The following IL18RAP variants were observed in gnomAD, a reference collection of about 807,000 sequenced individuals.
The protein encoded by IL18RAP is interleukin-18 receptor accessory protein.
In IL18RAP, 37 loss-of-function variants were observed where a neutral mutation model predicts 58.1. The observed-to-expected ratio is 0.64, with a 90% CI of 0.49 to 0.84. The LOEUF (loss-of-function observed/expected upper bound fraction) is 0.84. Ranked by LOEUF, IL18RAP falls within the 40% of genes least tolerant of loss-of-function variation. The pLI is 0.00. For missense variants in IL18RAP, 667 were observed against 704.8 expected (o/e 0.95, Z 0.61); for synonymous variants, 268 against 257.5 (o/e 1.04, Z -0.39).
chr2:102,426,383 A>G (rs954677169), intron 3 of IL18RAP, among the ~76,000 whole-genome samples: 1 of 152,178 alleles, frequency 6.6e-6, no homozygotes, highest in African/African-American at 2.4e-5. Context: ...GGAGCATTCC[A>G]CAATATTTTT....
intron 6 of IL18RAP, among the ~76,000 whole-genome samples, chr2:102,443,792 T>C (rs1047569925): frequency 6.6e-6 from 1 of 152,170 alleles, no homozygotes; most frequent in Non-Finnish European, 1.5e-5. Context: ...TGAAGCAACT[T>C]AACCCCGAAA....
intron 3 of IL18RAP, among the ~76,000 whole-genome samples, chr2:102,429,139 A>G (rs1392048800): frequency 6.6e-6 from 1 of 151,936 alleles, no homozygotes; most frequent in Admixed American, 6.6e-5. Flanking sequence ...TGTATTTTTC[A>G]GATACTGGCC....
intron 4 of IL18RAP, 33 bp from the exon 5 acceptor site, chr2:102,441,279 A>G (rs1225936199): frequency 1.9e-6 from 3 of 1,576,130 alleles, no homozygotes; most frequent in East Asian, 2.2e-5. Flanking sequence ...AGACTTTCCA[A>G]TGCAAATAGT....
rs758309917 is a variant in IL18RAP at position 102,437,252 on chromosome 2, T to C, written c.620T>C (p.Val207Ala). 2.5e-6 allele frequency: 4 copies of C among 1,613,352 alleles called. No homozygotes were observed. In the South Asian group the frequency reaches 4.4e-5, roughly 18 times the overall value. The change falls in exon 4 of 10, where the codon GTA becomes GCA. Residue 207 changes from valine to alanine, a missense_variant. Val to Ala is a moderately conservative substitution (Grantham distance 64). Transcript: ENST00000687160. ...TCTGTGGAAAGGAGCAACCGAATCG[T>C]AGTGGATGAAGTTTATGACTATCAC... ...LLSVERSNRI[V>A]VDEVYDYHQG... is the part of the protein sequence containing the mutation.
chr2:102,445,279 C>T lies in IL18RAP; in HGVS notation c.1011C>T (p.Cys337=). 6.2e-7 allele frequency: 1 copy of T among 1,614,154 alleles called. No individual in the cohort carries two copies. The change falls in exon 7 of 10, where the codon TGC becomes TGT. Residue 337 remains cysteine (C), a synonymous_variant. Transcript: ENST00000687160. ...GTGATCTTCGCAGGAAGTTTGTTTGCTTTGTCCAGAACTCCATTGGAAACA... is the reference window on the plus strand; with the variant it reads ...GTGATCTTCGCAGGAAGTTTGTTTGTTTTGTCCAGAACTCCATTGGAAACA... ...TQRDLRRKFV[C]FVQNSIGNTT...
chr2:102,418,959 T>G (rs1681409129), upstream of IL18RAP: 1 of 152,136 alleles, frequency 6.6e-6, no homozygotes, highest in Non-Finnish European at 1.5e-5. Flanking sequence ...GCAGTACTTC[T>G]TTTTTTTCAC....
chr2:102,443,100 T>A, intron 5 of IL18RAP, 100 bp from the exon 6 acceptor site: 1 of 1,121,006 alleles, frequency 8.9e-7, no homozygotes. Context: ...CAAACCTGAT[T>A]GCATCAGGAG....
chr2:102,443,182 T>C lies in IL18RAP; in HGVS notation c.797-18T>C, dbSNP rs1446704398. On this transcript the variant is annotated intron_variant, in intron 5 of 9. Transcript: ENST00000687160. The stretch of plus-strand genomic sequence containing the variant: ...TCACCAGCTTCCTTCTTGTTTTCTC[T>C]GGCCTCTTCATTTTCAGGAAAGCCT... 15 of 1,604,926 alleles carry C rather than the reference T, an allele frequency of 9.3e-6. No individual in the cohort carries two copies. In the African/African-American group the frequency reaches 1.9e-4, roughly 20 times the overall value.
intron 3 of IL18RAP, among the ~76,000 whole-genome samples, chr2:102,427,174 T>C (rs964740699): frequency 6.6e-6 from 1 of 152,166 alleles, no homozygotes; most frequent in African/African-American, 2.4e-5. Context: ...TAAGGTTGAT[T>C]CCATATCTTG....
At chr2:102,438,352 C>T (rs1046930912) in intron 4 of IL18RAP, among the ~76,000 whole-genome samples, 5 of 152,200 alleles carry the variant, frequency 3.3e-5, no homozygotes, top group Admixed American at 2.6e-4. Context: ...TTTCTTATTA[C>T]AAGATACAAA....
At position 102,424,473 on chromosome 2, in the gene IL18RAP, TGGGCTTTTC is replaced by T. The variant is rs1573261799; in HGVS notation, c.579+60_579+68del. On this transcript the variant is annotated intron_variant, in intron 3 of 9. Transcript: ENST00000687160. Reference sequence around the variant, plus strand: ...CATTGTTTTTATGGTATCTTCTTCATGGGCTTTTCATGGAAAAGCGTGTTTGAGAATCTG... The same window carrying T: ...CATTGTTTTTATGGTATCTTCTTCATATGGAAAAGCGTGTTTGAGAATCTG... The T allele has an allele frequency of 3.1e-5, 46 of 1,466,834 alleles. 1 individual carries two copies. The East Asian group carries it at 1.0e-3, about 33-fold the overall frequency. The allele number at this position is 1,466,834 out of a possible 1,614,324, so 90.9% of individuals were successfully genotyped here. A position where few individuals can be genotyped will look rare whatever the true frequency, so the allele number is the denominator to read the frequency against.
At chr2:102,441,522 T>TGCACAGTTACTTC (rs1273864152) in intron 5 of IL18RAP, 145 bp downstream of exon 5, 2 of 631,132 alleles carry the variant, frequency 3.2e-6, no homozygotes, top group East Asian at 5.8e-5. Flanking sequence ...TTTGTGACTT[T>TGCACAGTTACTTC]GCACAGTTAC....
Position 102,427,112 on chromosome 2 carries a change from C to T in IL18RAP, c.579+2698C>T, listed in dbSNP as rs577172314. Among the ~76,000 whole-genome samples, 495 of 152,216 alleles carry T rather than the reference C, an allele frequency of 3.3e-3. 2 individuals carry two copies. Among genetic ancestry groups the T allele is most frequent in the Non-Finnish European group, 4.7e-3 (319 of 67,974 alleles). On this transcript the variant is annotated intron_variant, in intron 3 of 9. Coordinates refer to ENST00000687160, the MANE Select transcript of IL18RAP (RefSeq NM_001393487.1). ...CTTTTGTAAAGGCTGAATAGTATTT[C>T]GTTGCATACATGTACCACATTTTCT...
At chr2:102,422,207 T>C (rs1309082997), upstream of IL18RAP, among the ~76,000 whole-genome samples, 3 of 152,210 alleles carry the variant, frequency 2.0e-5, no homozygotes, top group Non-Finnish European at 4.4e-5. Context: ...TTTTCAGTCC[T>C]TCTCATGCCC....
At position 102,448,960 on chromosome 2, in the gene IL18RAP, CAAAAAAAAA is replaced by C. The variant is rs10566180; in HGVS notation, c.1210+1769_1210+1777del. Among the ~76,000 whole-genome samples, 4 of 67,222 alleles carry C rather than the reference CAAAAAAAAA, an allele frequency of 6.0e-5. No homozygotes were observed. The Admixed American group carries it at 7.7e-4, about 13-fold the overall frequency. 44.1% of individuals were successfully genotyped at this position (67,222 alleles called of 152,430 possible). Reference sequence around the variant, plus strand: ...TGGATGGCAGAGCGATACCCTATCTCAAAAAAAAAAAAAAAAAAAAAAAAGTGACCGGGA... The same window carrying C: ...TGGATGGCAGAGCGATACCCTATCTCAAAAAAAAAAAAAAAGTGACCGGGA... On this transcript the variant is annotated intron_variant, in intron 8 of 9. Coordinates refer to ENST00000687160, the MANE Select transcript of IL18RAP (RefSeq NM_001393487.1).
intron 3 of IL18RAP, among the ~76,000 whole-genome samples, chr2:102,425,305 T>C (rs1323972878): frequency 6.6e-6 from 1 of 152,182 alleles, no homozygotes. Context: ...ATCTAATGGT[T>C]TAATGCACCC....
chr2:102,430,213 A>C (rs1426213866), intron 3 of IL18RAP, among the ~76,000 whole-genome samples: 1 of 152,016 alleles, frequency 6.6e-6, no homozygotes, highest in African/African-American at 2.4e-5. Flanking sequence ...TCATTTAATA[A>C]ATGCGTTATA....
At chr2:102,433,035 C>T (rs964814088) in intron 3 of IL18RAP, among the ~76,000 whole-genome samples, 12 of 152,076 alleles carry the variant, frequency 7.9e-5, no homozygotes, top group African/African-American at 2.9e-4. Context: ...GAAAGTCTCT[C>T]CTGTACTGGC....
intron 4 of IL18RAP, among the ~76,000 whole-genome samples, chr2:102,438,144 G>T (rs151133164): frequency 6.6e-6 from 1 of 152,062 alleles, no homozygotes; most frequent in Non-Finnish European, 1.5e-5. Flanking sequence ...GCTTTCTTCC[G>T]CAACTTGTCT....
Sources: allele counts gnomAD v4.1 joint callset (sites outside exome capture counted in the v4.1 genomes callset), GRCh38; gene constraint gnomAD v4.1.1; transcripts MANE v1.5; gene names NCBI Gene and HGNC (gene_info 2026-07-23, HGNC 2026-07-21).